Variants in PRDX3 observed in about 807,000 individuals in gnomAD.
PRDX3 encodes thioredoxin-dependent peroxide reductase, mitochondrial.
A neutral mutation model predicts 30.4 loss-of-function variants in PRDX3; 20 were observed. The observed-to-expected ratio is 0.66, with a 90% CI of 0.46 to 0.96. The LOEUF (loss-of-function observed/expected upper bound fraction) is 0.96, where lower values mean the gene tolerates loss of function less well. Ranked by LOEUF, PRDX3 falls within the 40% of genes least tolerant of loss-of-function variation. The probability of loss-of-function intolerance (pLI) is 0.00; values close to 1 mark genes in which losing one functional copy is unlikely to be tolerated. For missense variants in PRDX3, 322 were observed against 318.3 expected, an observed-to-expected ratio of 1.01 and a Z score of -0.09; for synonymous variants, 124 against 117.8, an observed-to-expected ratio of 1.05 and a Z score of -0.34.
chr10:119,172,566 C>A, intron 4 of PRDX3, 81 bp from the exon 5 acceptor site: 4 of 1,130,636 alleles, frequency 3.5e-6, no homozygotes, highest in Middle Eastern at 1.9e-4. Context: ...TTGAGACCAA[C>A]AGTAACGGCG....
chr10:119,170,922 AGG>A (rs1847891983), intron 5 of PRDX3: 1 of 151,522 alleles, frequency 6.6e-6, no homozygotes, highest in African/African-American at 2.4e-5. Context: ...AAAAAAAGAG[AGG>A]AAAAAAAGGC....
intron 3 of PRDX3, 72 bp from the exon 4 acceptor site, chr10:119,173,944 AC>A (rs1452632043): frequency 2.0e-6 from 3 of 1,493,442 alleles, no homozygotes; most frequent in Non-Finnish European, 2.7e-6. Context: ...TGGTCTAACA[AC>A]TAGTTCAACT....
At chr10:119,178,664 C>T in intron 1 of PRDX3, 91 bp downstream of exon 1, 1 of 1,469,550 alleles carries the variant, frequency 6.8e-7, no homozygotes, top group Non-Finnish European at 9.3e-7. Context: ...GCGAATGGCC[C>T]TCATGCCCAG....
rs1328255548 is a variant in PRDX3, at chr10:119,168,084, C to T, written c.*396G>A. On this transcript the variant is annotated 3_prime_UTR_variant, in exon 7 of 7. Coordinates refer to ENST00000298510, the MANE Select transcript of PRDX3 (RefSeq NM_006793.5). ...AAGAAAATTCAGTTTAATACAAAGA[C>T]ATTCAAGATGAAAATTTCAGGACCG... 1 of 169,580 alleles carries T rather than the reference C, an allele frequency of 5.9e-6. No homozygotes were observed. Among genetic ancestry groups the T allele is most frequent in the Non-Finnish European group, 1.3e-5 (1 of 79,858 alleles). 10.5% of individuals were successfully genotyped at this position (169,580 alleles called of 1,614,324 possible). A position where few individuals can be genotyped will look rare whatever the true frequency, so the allele number is the denominator to read the frequency against.
intron 6 of PRDX3, 83 bp from the exon 7 acceptor site, chr10:119,168,616 T>C: frequency 6.4e-7 from 1 of 1,565,010 alleles, no homozygotes; most frequent in Non-Finnish European, 8.6e-7. Flanking sequence ...TCCCAATTTT[T>C]AACCTAAAGT....
At chr10:119,178,117 C>T (rs993311121) in intron 1 of PRDX3, among the ~76,000 whole-genome samples, 2 of 151,980 alleles carry the variant, frequency 1.3e-5, no homozygotes, top group African/African-American at 4.8e-5. Flanking sequence ...CCCGCCTCGG[C>T]CTCCCAAAGT....
At chr10:119,172,551 A>T in intron 4 of PRDX3, 66 bp from the exon 5 acceptor site, 3 of 1,293,346 alleles carry the variant, frequency 2.3e-6, no homozygotes, top group Non-Finnish European at 3.4e-6. Flanking sequence ...CACGTACCAC[A>T]ATGTTTGAGA....
intron 2 of PRDX3, 147 bp from the exon 3 acceptor site, chr10:119,174,739 G>GGATGACTGTGCC: frequency 1.3e-6 from 1 of 753,544 alleles, no homozygotes; most frequent in Non-Finnish European, 2.0e-6. Context: ...CTTAGGCACA[G>GGATGACTGTGCC]TCATCCTTTG....
intron 3 of PRDX3, among the ~76,000 whole-genome samples, chr10:119,174,179 C>G (rs189488590): frequency 6.6e-6 from 1 of 152,096 alleles, no homozygotes; most frequent in African/African-American, 2.4e-5. Flanking sequence ...TTCCCCAGAC[C>G]AGTGAAAACT....
At chr10:119,172,627 C>T in intron 4 of PRDX3, 142 bp from the exon 5 acceptor site, 2 of 716,056 alleles carry the variant, frequency 2.8e-6, no homozygotes, top group Non-Finnish European at 4.9e-6. Context: ...CTCTATTAAC[C>T]TACTGCCTCC....
At chr10:119,178,326 TTG>T (rs957776703) in intron 1 of PRDX3, among the ~76,000 whole-genome samples, 12 of 152,206 alleles carry the variant, frequency 7.9e-5, no homozygotes, top group African/African-American at 2.9e-4. Context: ...GGGAAAGCCT[TTG>T]TGAGTTTTTT....
intron 1 of PRDX3, among the ~76,000 whole-genome samples, chr10:119,177,901 A>C (rs1251121905): frequency 8.4e-6 from 1 of 119,210 alleles, no homozygotes; most frequent in African/African-American, 3.5e-5. Flanking sequence ...TTTTTTTTGA[A>C]ACAGAGTCTC....
intron 5 of PRDX3, among the ~76,000 whole-genome samples, 181 bp downstream of exon 5, chr10:119,172,201 C>T (rs534306020): frequency 3.9e-4 from 59 of 152,266 alleles, no homozygotes; most frequent in South Asian, 3.3e-3. Flanking sequence ...AACTTCTGAA[C>T]TCAAGTGATC....
intron 1 of PRDX3, among the ~76,000 whole-genome samples, chr10:119,178,134 A>G (rs1368221123): frequency 6.6e-6 from 1 of 151,924 alleles, no homozygotes; most frequent in Non-Finnish European, 1.5e-5. Flanking sequence ...AAGTGCTAGG[A>G]TTACAGGCGT....
At chr10:119,170,237 G>C (rs1163071339) in intron 5 of PRDX3, 1 of 152,212 alleles carries the variant, frequency 6.6e-6, no homozygotes, top group Non-Finnish European at 1.5e-5. Flanking sequence ...GAAAAGGCAG[G>C]TTAGAGAAAA....
At position 119,168,467 on chromosome 10, in the gene PRDX3, A is replaced by G; in HGVS notation, c.*13T>C. 1 of 1,613,486 alleles carries G rather than the reference A, an allele frequency of 6.2e-7. No homozygotes were observed. Among genetic ancestry groups the G allele is most frequent in the Non-Finnish European group, 8.5e-7 (1 of 1,179,948 alleles). On this transcript the variant is annotated 3_prime_UTR_variant, in exon 7 of 7. Transcript: ENST00000298510. ...TTCTCTCAGTTGAGAAGGTGCAGAT[A>G]CACATGGGTGATCTACTGATTTACC...
At chr10:119,176,054 G>A (rs1173970272) in intron 2 of PRDX3, among the ~76,000 whole-genome samples, 2 of 152,204 alleles carry the variant, frequency 1.3e-5, no homozygotes, top group Admixed American at 6.5e-5. Flanking sequence ...AAAGTGCTGG[G>A]ATTACAGGTG....
chr10:119,168,425 G>A lies in PRDX3; in HGVS notation c.*55C>T, dbSNP rs1443934666. On this transcript the variant is annotated 3_prime_UTR_variant, in exon 7 of 7. Transcript: ENST00000298510. ...AACCATCTTGAAAATGATAAAAGCA[G>A]GTTTCAACTGTGGTTCTTCTCTCAG... The A allele has an allele frequency of 6.2e-7, 1 of 1,608,578 alleles. No individual in the cohort carries two copies. The highest frequency in any genetic ancestry group is 1.7e-5 in the Admixed American group (1 of 58,958).
chr10:119,168,819 T>A lies in PRDX3; in HGVS notation c.718-286A>T, dbSNP rs544710536. ...GGTGAAACCCCGTCTCTACTAAAATTCAAAAAATTAGCCGTGGTGGTGGGC... is the reference window on the plus strand; with the variant it reads ...GGTGAAACCCCGTCTCTACTAAAATACAAAAAATTAGCCGTGGTGGTGGGC... On this transcript the variant is annotated intron_variant, in intron 6 of 6. Coordinates refer to ENST00000298510, the MANE Select transcript of PRDX3 (RefSeq NM_006793.5). Among the ~76,000 whole-genome samples, 126 of 152,076 alleles carry A rather than the reference T, an allele frequency of 8.3e-4. 3 individuals are homozygous for A. In the East Asian group the frequency reaches 0.022, roughly 26 times the overall value.
Sources: gnomAD v4.1 joint callset for allele counts (sites outside exome capture counted in the v4.1 genomes callset) on GRCh38, gnomAD v4.1.1 for gene constraint, MANE v1.5 for transcripts, NCBI Gene and HGNC (gene_info 2026-07-23, HGNC 2026-07-21) for gene names.